The following CDK12 variants were observed in gnomAD, a reference collection of about 807,000 sequenced individuals.
CDK12 encodes the protein cyclin dependent kinase 12, also known as cyclin-dependent kinase 12.
Under a neutral mutation model 133.8 loss-of-function variants are expected in CDK12, and 17 were observed. The ratio of observed to expected loss-of-function variants is 0.13; its 90% confidence interval spans 0.09 to 0.19. CDK12 has a LOEUF of 0.19. CDK12 is among the 10% of genes least tolerant of loss of function. The pLI is 1.00. For missense variants in CDK12, 1,508 were observed against 1,818.7 expected (o/e 0.83, Z 3.11); for synonymous variants, 694 against 683.6 (o/e 1.02, Z -0.24).
At chr17:39,544,464 C>CTT, upstream of CDK12, 3 of 201,214 alleles carry the variant, frequency 1.5e-5, no homozygotes, top group Non-Finnish European at 2.8e-5. Context: ...AAGTTTCTTT[C>CTT]TTTTTTTTTT....
rs2146688793 is a variant in CDK12, at chr17:39,524,777, C to T, written c.3199C>T (p.Arg1067Ter). The change falls in exon 12 of 14, where the codon CGA becomes TGA. Residue 1067 changes from arginine to a stop codon, truncating the protein, a stop_gained. Transcript: ENST00000447079. LOFTEE classifies it high-confidence loss of function. ...VEEPPPSKTS[R>*]KETTSGTSTE... Reference sequence around the variant, plus strand: ...AGAGCCACCTCCATCCAAAACTTCTCGAAAAGAAACTACCTCAGGGACAAG... The same window carrying T: ...AGAGCCACCTCCATCCAAAACTTCTTGAAAAGAAACTACCTCAGGGACAAG... 6.2e-7 allele frequency: 1 copy of T among 1,614,184 alleles called. No homozygotes were observed. Among genetic ancestry groups the T allele is most frequent in the Non-Finnish European group, 8.5e-7 (1 of 1,180,034 alleles).
In CDK12 at chr17:39,492,859, C is replaced by A. The variant is rs1357908774; in HGVS notation, c.2217C>A (p.Gly739=). 4 of 1,612,400 alleles carry A rather than the reference C, an allele frequency of 2.5e-6. No homozygotes were observed. The African/African-American group carries it at 5.3e-5, about 22-fold the overall frequency. The change falls in exon 4 of 14, where the codon GGC becomes GGA. Residue 739 remains glycine (G), a synonymous_variant. Coordinates refer to ENST00000447079, the MANE Select transcript of CDK12 (RefSeq NM_016507.4). ...IIGIIGEGTY[G]QVYKAKDKDT... ...GGATTATTGGAGAAGGAACCTATGG[C>A]CAAGTATATAAAGCCAAGGACAAAG...
intron 6 of CDK12, among the ~76,000 whole-genome samples, chr17:39,508,529 C>T (rs2053277164): frequency 6.6e-6 from 1 of 152,016 alleles, no homozygotes; most frequent in Admixed American, 6.6e-5. Context: ...TTCCTTCATG[C>T]AGGAGGAGAG....
chr17:39,514,070 T>C (rs1056295609), intron 8 of CDK12, among the ~76,000 whole-genome samples: 1 of 152,184 alleles, frequency 6.6e-6, no homozygotes, highest in Admixed American at 6.6e-5. Context: ...ACTTTTTTTT[T>C]CTTTTTATAG....
At chr17:39,513,048 T>G (rs900527121) in intron 8 of CDK12, among the ~76,000 whole-genome samples, 9 of 152,208 alleles carry the variant, frequency 5.9e-5, no homozygotes, top group Non-Finnish European at 1.3e-4. Context: ...AACATCTTGT[T>G]TTTGGTTCCA....
rs375505207 is a variant in CDK12, at chr17:39,494,871, G to A, written c.2419+177G>A. Among the ~76,000 whole-genome samples the A allele has an allele frequency of 4.7e-4, 70 of 150,396 alleles. No individual in the cohort carries two copies. The East Asian group carries it at 0.013, about 27-fold the overall frequency. On this transcript the variant is annotated intron_variant, in intron 5 of 13. Coordinates refer to ENST00000447079, the MANE Select transcript of CDK12 (RefSeq NM_016507.4). ...TGCAAGCTCCACCTCCTGGGTTCACGCCATTCTCCTGCCTCAGTGTCCTGA... is the reference window on the plus strand; with the variant it reads ...TGCAAGCTCCACCTCCTGGGTTCACACCATTCTCCTGCCTCAGTGTCCTGA...
At chr17:39,478,063 CT>C (rs533207548) in intron 2 of CDK12, among the ~76,000 whole-genome samples, 8,300 of 137,624 alleles carry the variant, frequency 0.06, 676 homozygotes, top group African/African-American at 0.19. Flanking sequence ...TCCTCCACCT[CT>C]TTTTTTTTTT....
At chr17:39,468,770 C>T (rs553534027) in intron 1 of CDK12, among the ~76,000 whole-genome samples, 13 of 151,706 alleles carry the variant, frequency 8.6e-5, no homozygotes, top group East Asian at 1.9e-4. Flanking sequence ...CCACAGTGCC[C>T]GGCACTTTTA....
In CDK12 at chr17:39,520,095, C is replaced by G. The variant is rs2146575995; in HGVS notation, c.3095+8C>G. 6.2e-7 allele frequency: 1 copy of G among 1,613,764 alleles called. No individual in the cohort carries two copies. Among genetic ancestry groups the G allele is most frequent in the Non-Finnish European group, 8.5e-7 (1 of 1,179,836 alleles). On this transcript the variant is annotated splice_region_variant and intron_variant, in intron 11 of 13. Transcript: ENST00000447079. Reference sequence around the variant, plus strand: ...CAAAATGGCTCCTCCAGAGTAAGTGCTGGTAGCCATGTTGTGACCCTAAAT... The same window carrying G: ...CAAAATGGCTCCTCCAGAGTAAGTGGTGGTAGCCATGTTGTGACCCTAAAT...
intron 7 of CDK12, among the ~76,000 whole-genome samples, chr17:39,510,639 G>A (rs1308868690): frequency 6.7e-6 from 1 of 149,334 alleles, no homozygotes; most frequent in Non-Finnish European, 1.5e-5. Flanking sequence ...TTTTCCTGGA[G>A]ATTTGCTCTT....
chr17:39,537,339 G>T (rs1225509644), downstream of CDK12, among the ~76,000 whole-genome samples: 2 of 152,074 alleles, frequency 1.3e-5, no homozygotes, highest in African/African-American at 2.4e-5. Flanking sequence ...AAGACCTAAA[G>T]AAAGCTTAGT....
At chr17:39,496,831 T>TC (rs2052153821) in intron 5 of CDK12, among the ~76,000 whole-genome samples, 1 of 152,138 alleles carries the variant, frequency 6.6e-6, no homozygotes, top group African/African-American at 2.4e-5. Flanking sequence ...ATTTTCATAT[T>TC]TAATGTCAGA....
intron 1 of CDK12, among the ~76,000 whole-genome samples, chr17:39,466,771 A>T (rs1050090616): frequency 6.6e-6 from 1 of 151,866 alleles, no homozygotes; most frequent in African/African-American, 2.4e-5. Flanking sequence ...ATATTCCCAG[A>T]GACACATGCA....
chr17:39,550,010 GTC>G (rs144728868), upstream of CDK12: 303 of 143,064 alleles, frequency 2.1e-3, no homozygotes, highest in Middle Eastern at 7.3e-3. Flanking sequence ...CTCTCTCTCT[GTC>G]TCTCTCTCTC....
chr17:39,508,963 A>T (rs1350936242), intron 6 of CDK12, among the ~76,000 whole-genome samples: 1 of 144,216 alleles, frequency 6.9e-6, no homozygotes, highest in African/African-American at 2.6e-5. Context: ...ACACCATTGC[A>T]CTCCAGCCTA....
chr17:39,547,700 G>C (rs1167182694), upstream of CDK12: 8 of 152,358 alleles, frequency 5.3e-5, no homozygotes. Context: ...GCAGGGTCAG[G>C]TGTGGGCAGA....
At position 39,533,657 on chromosome 17, in the gene CDK12, C is replaced by T. The variant is rs1336337565; in HGVS notation, c.*2341C>T. On this transcript the variant is annotated 3_prime_UTR_variant, in exon 14 of 14. Coordinates refer to ENST00000447079, the MANE Select transcript of CDK12 (RefSeq NM_016507.4). ...TAATATACTTAAGCCTCCATTCCCT[C>T]ATCCCTACTAGGGAAGGGGGTGAGT... The T allele has an allele frequency of 8.6e-6, 2 of 232,952 alleles. No homozygotes were observed. The highest frequency in any genetic ancestry group is 1.7e-5 in the Non-Finnish European group (2 of 117,884). 14.4% of individuals were successfully genotyped at this position (232,952 alleles called of 1,614,324 possible).
At position 39,530,861 on chromosome 17, in the gene CDK12, A is replaced by T; in HGVS notation, c.4018A>T (p.Asn1340Tyr). ...ACCCCGTCCAAACAGGACTTATGGAAACACTGATGGGCCTGAAACAGGGTT... is the reference window on the plus strand; with the variant it reads ...ACCCCGTCCAAACAGGACTTATGGATACACTGATGGGCCTGAAACAGGGTT... ...TRPRPNRTYG[N>Y]TDGPETGFSA... The change falls in exon 14 of 14, where the codon AAC becomes TAC. Residue 1340 changes from asparagine (N) to tyrosine (Y), a missense_variant. Around this residue, in one of 9 missense-constraint regions of CDK12, gnomAD observed 399 missense variants for 469.6 expected, o/e 0.85. Transcript: ENST00000447079. The T allele has an allele frequency of 6.2e-7, 1 of 1,614,214 alleles. No homozygotes were observed. The highest frequency in any genetic ancestry group is 8.5e-7 in the Non-Finnish European group (1 of 1,180,044).
At chr17:39,506,596 A>AT (rs2053146171) in intron 6 of CDK12, among the ~76,000 whole-genome samples, 1 of 152,128 alleles carries the variant, frequency 6.6e-6, no homozygotes, top group Admixed American at 6.6e-5. Context: ...ATGATCCAGA[A>AT]TTAGGGACTT....
Sources: allele counts gnomAD v4.1 joint callset (sites outside exome capture counted in the v4.1 genomes callset), GRCh38; gene constraint gnomAD v4.1.1; regional missense constraint gnomAD v4.1.1; transcripts MANE v1.5; gene names NCBI Gene and HGNC (gene_info 2026-07-23, HGNC 2026-07-21).